Variants in ADAMTS19 observed in about 807,000 individuals in gnomAD.
The protein encoded by ADAMTS19 is ADAM metallopeptidase with thrombospondin type 1 motif 19.
A neutral mutation model predicts 153.3 loss-of-function variants in ADAMTS19; 93 were observed. The observed-to-expected ratio is 0.61, with a 90% CI of 0.51 to 0.72. The LOEUF is 0.72. ADAMTS19 is among the 30% of genes least tolerant of loss of function. The pLI, the probability that ADAMTS19 is intolerant of heterozygous loss-of-function variation, is 0.00. For missense variants in ADAMTS19, 1,482 were observed against 1,552.1 expected (o/e 0.95, Z 0.76); for synonymous variants, 600 against 556.6 (o/e 1.08, Z -1.10).
At chr5:129,685,592 G>A (rs1755047956) in intron 18 of ADAMTS19, among the ~76,000 whole-genome samples, 2 of 152,070 alleles carry the variant, frequency 1.3e-5, no homozygotes, top group South Asian at 4.1e-4. Flanking sequence ...AATTAATAAA[G>A]TGTTTGGCTC....
At chr5:129,513,486 AC>A (rs1751502442) in intron 3 of ADAMTS19, among the ~76,000 whole-genome samples, 1 of 151,884 alleles carries the variant, frequency 6.6e-6, no homozygotes, top group Non-Finnish European at 1.5e-5. Context: ...ACAGAGTGAG[AC>A]CCGATCTCAT....
chr5:129,562,159 C>T (rs1015834537), intron 7 of ADAMTS19, among the ~76,000 whole-genome samples: 1 of 152,178 alleles, frequency 6.6e-6, no homozygotes, highest in Non-Finnish European at 1.5e-5. Context: ...GCACAGCTGG[C>T]TCAGCTCATA....
At chr5:129,673,068 G>A (rs893496780) in intron 16 of ADAMTS19, among the ~76,000 whole-genome samples, 1 of 151,580 alleles carries the variant, frequency 6.6e-6, no homozygotes, top group African/African-American at 2.4e-5. Flanking sequence ...TTTTTAGTTT[G>A]TGTCTATTTT....
chr5:129,582,764 A>C (rs1486156338), intron 7 of ADAMTS19, among the ~76,000 whole-genome samples: 1 of 146,160 alleles, frequency 6.8e-6, no homozygotes, highest in African/African-American at 2.6e-5. Context: ...TGTATTTTTT[A>C]GTAGACCATG....
intron 7 of ADAMTS19, among the ~76,000 whole-genome samples, chr5:129,557,516 C>T (rs971974897): frequency 1.3e-5 from 2 of 152,106 alleles, no homozygotes; most frequent in Non-Finnish European, 2.9e-5. Flanking sequence ...AGGATGATCG[C>T]TTGAACCCAA....
chr5:129,657,994 G>T (rs970910410), intron 14 of ADAMTS19, among the ~76,000 whole-genome samples: 5 of 151,968 alleles, frequency 3.3e-5, no homozygotes, highest in African/African-American at 9.7e-5. Flanking sequence ...TACTATAAAA[G>T]ATACTCTAAG....
At chr5:129,521,181 A>G (rs1561548950) in intron 3 of ADAMTS19, among the ~76,000 whole-genome samples, 1 of 152,136 alleles carries the variant, frequency 6.6e-6, no homozygotes, top group African/African-American at 2.4e-5. Flanking sequence ...AATAGTTTTA[A>G]TATGACCAGT....
intron 2 of ADAMTS19, among the ~76,000 whole-genome samples, chr5:129,477,057 C>T (rs1750250662): frequency 6.6e-6 from 1 of 152,078 alleles, no homozygotes; most frequent in South Asian, 2.1e-4. Context: ...TATAGATATA[C>T]ACAGGAAATC....
At chr5:129,706,123 G>C (rs1756139916) in intron 21 of ADAMTS19, among the ~76,000 whole-genome samples, 2 of 152,136 alleles carry the variant, frequency 1.3e-5, no homozygotes, top group African/African-American at 4.8e-5. Flanking sequence ...AAAATCACCT[G>C]TTGCTCCCTT....
intron 3 of ADAMTS19, among the ~76,000 whole-genome samples, chr5:129,511,552 A>G (rs901729796): frequency 1.3e-5 from 2 of 151,686 alleles, no homozygotes; most frequent in Non-Finnish European, 2.9e-5. Context: ...GGTGAAGAAT[A>G]TATTATTTTA....
At chr5:129,563,034 A>C (rs964133102) in intron 7 of ADAMTS19, among the ~76,000 whole-genome samples, 3 of 152,170 alleles carry the variant, frequency 2.0e-5, no homozygotes, top group African/African-American at 7.2e-5. Flanking sequence ...ATACACTAAA[A>C]CATATTTAAA....
At position 129,679,921 on chromosome 5, in the gene ADAMTS19, G is replaced by T; in HGVS notation, c.2664G>T (p.Leu888=). 1 of 1,610,798 alleles carries T rather than the reference G, an allele frequency of 6.2e-7. No individual in the cohort carries two copies. Among genetic ancestry groups the T allele is most frequent in the Non-Finnish European group, 8.5e-7 (1 of 1,178,870 alleles). Residue 888 remains leucine, a splice_region_variant and synonymous_variant, in exon 17 of 23, where the codon CTG becomes CTT. Transcript: ENST00000274487. ...KGPTTAPLHL[L]VLLFQDQNYG... is the part of the protein sequence containing the mutation. ...CTACTACAGCACCTTTACATCTTCT[G>T]GTATGAGGGAATGAATTGATAACAT...
chr5:129,578,049 C>T (rs1201242155), intron 7 of ADAMTS19, among the ~76,000 whole-genome samples: 37 of 137,304 alleles, frequency 2.7e-4, no homozygotes, highest in East Asian at 6.7e-4. Flanking sequence ...CATACACACA[C>T]ACACACACAC....
At chr5:129,614,175 A>T (rs1158715169) in intron 8 of ADAMTS19, among the ~76,000 whole-genome samples, 2 of 152,174 alleles carry the variant, frequency 1.3e-5, no homozygotes, top group East Asian at 3.8e-4. Flanking sequence ...AATCCTCCCT[A>T]ACTCATTTTA....
At chr5:129,652,744 A>G (rs1320661849) in intron 13 of ADAMTS19, among the ~76,000 whole-genome samples, 2 of 152,184 alleles carry the variant, frequency 1.3e-5, no homozygotes, top group African/African-American at 2.4e-5. Context: ...ATTTTCTAGG[A>G]GACTAACTCC....
At chr5:129,489,476 C>A (rs1211784079) in intron 2 of ADAMTS19, among the ~76,000 whole-genome samples, 5 of 151,986 alleles carry the variant, frequency 3.3e-5, no homozygotes, top group South Asian at 2.1e-4. Flanking sequence ...GTATGAAATT[C>A]TTGATATATG....
chr5:129,622,376 G>A lies in ADAMTS19; in HGVS notation c.1770+28G>A, dbSNP rs371526922. The stretch of plus-strand genomic sequence containing the variant: ...AAAGATCCAGGTGGGGATTTTGTGC[G>A]TTCATTCATTGTTTAGAAGTATTGA... On this transcript the variant is annotated intron_variant, in intron 10 of 22. Transcript: ENST00000274487. The A allele has an allele frequency of 1.1e-4, 181 of 1,612,716 alleles. No homozygotes were observed. The African/African-American group carries it at 1.8e-3, about 16-fold the overall frequency.
chr5:129,466,071 T>A lies in ADAMTS19; in HGVS notation c.747+4314T>A, dbSNP rs1185157981. ...ATTTCTTTTTTCTGTTATCCCATTCTGCCAAGCACCGGAAGCCACATATGT... is the reference window on the plus strand; with the variant it reads ...ATTTCTTTTTTCTGTTATCCCATTCAGCCAAGCACCGGAAGCCACATATGT... On this transcript the variant is annotated intron_variant, in intron 2 of 22. Coordinates refer to ENST00000274487, the MANE Select transcript of ADAMTS19 (RefSeq NM_133638.6). 5.9e-5 allele frequency among the ~76,000 whole-genome samples: 9 copies of A among 152,328 alleles called. No homozygotes were observed. The East Asian group carries it at 1.7e-3, about 29-fold the overall frequency.
chr5:129,602,978 G>C (rs957486673), intron 8 of ADAMTS19, among the ~76,000 whole-genome samples: 1 of 151,748 alleles, frequency 6.6e-6, no homozygotes, highest in Non-Finnish European at 1.5e-5. Context: ...ACTCAAGTGT[G>C]GTCTGTGATG....
Sources: gnomAD v4.1 joint callset for allele counts (sites outside exome capture counted in the v4.1 genomes callset) on GRCh38, gnomAD v4.1.1 for gene constraint, MANE v1.5 for transcripts, NCBI Gene and HGNC (gene_info 2026-07-23, HGNC 2026-07-21) for gene names.